TTI2: variants seen among roughly 807,000 people sequenced by gnomAD.
TTI2 encodes TELO2 interacting protein 2.
In TTI2, 26 loss-of-function variants were observed where a neutral mutation model predicts 44.9. The ratio of observed to expected loss-of-function variants is 0.58; its 90% CI spans 0.42 to 0.80. TTI2 has a LOEUF of 0.80. Ranked by LOEUF, TTI2 falls within the 30% of genes least tolerant of loss-of-function variation. The pLI, the probability that TTI2 is intolerant of heterozygous loss-of-function variation, is 0.00. For missense variants in TTI2, 582 were observed against 611.6 expected (o/e 0.95, Z 0.51); for synonymous variants, 254 against 250.9 (o/e 1.01, Z -0.12).
intron 4 of TTI2, among the ~76,000 whole-genome samples, chr8:33,506,280 T>C (rs1809290556): frequency 6.6e-6 from 1 of 152,128 alleles, no homozygotes; most frequent in African/African-American, 2.4e-5. Context: ...CACTCCGATA[T>C]CTAACATGCA....
At chr8:33,505,346 T>C (rs1014575951) in intron 4 of TTI2, among the ~76,000 whole-genome samples, 14 of 152,296 alleles carry the variant, frequency 9.2e-5, no homozygotes, top group Admixed American at 1.3e-4. Context: ...TTGTTTCTTC[T>C]GTCTTTGTAG....
At position 33,511,496 on chromosome 8, in the gene TTI2, C is replaced by T. The variant is rs557841134; in HGVS notation, c.647+471G>A. On this transcript the variant is annotated intron_variant, in intron 2 of 7. Coordinates refer to ENST00000431156, the MANE Select transcript of TTI2 (RefSeq NM_001102401.4). ...CACTATCCAGTTATGTCATTTATAG[C>T]AAATCACAACGTTTCTGGGCCTTAA... 3.2e-4 allele frequency among the ~76,000 whole-genome samples: 49 copies of T among 152,276 alleles called. 1 individual carries two copies. The South Asian group carries it at 7.0e-3, about 22-fold the overall frequency.
In TTI2 at chr8:33,499,030, G is replaced by C; in HGVS notation, c.*143C>G. 1.5e-6 allele frequency: 1 copy of C among 653,844 alleles called. No individual in the cohort carries two copies. The highest frequency in any genetic ancestry group is 1.7e-5 in the South Asian group (1 of 59,122). 40.5% of individuals were successfully genotyped at this position (653,844 alleles called of 1,614,324 possible). Reference sequence around the variant, plus strand: ...TTGTTCTACTTTCCCTATTCTTATGGAGGTAAAAGGAAAGGAAGGAAGGAA... The same window carrying C: ...TTGTTCTACTTTCCCTATTCTTATGCAGGTAAAAGGAAAGGAAGGAAGGAA... On this transcript the variant is annotated 3_prime_UTR_variant, in exon 8 of 8. Transcript: ENST00000431156.
At chr8:33,512,876 GTA>G in intron 1 of TTI2, 164 bp from the exon 2 acceptor site, 4 of 91,672 alleles carry the variant, frequency 4.4e-5, no homozygotes, top group Admixed American at 2.4e-4. Context: ...CTCCGTCTCA[GTA>G]AAAAAAAAAA....
rs550248694 is a variant in TTI2, at chr8:33,512,168, G to A, written c.446C>T (p.Pro149Leu). The A allele has an allele frequency of 5.0e-6, 8 of 1,614,048 alleles. No homozygotes were observed. In the Admixed American group the frequency reaches 1.3e-4, roughly 27 times the overall value. Residue 149 changes from proline (P) to leucine (L), a missense_variant, in exon 2 of 8, where the codon CCC (proline) becomes CTC (leucine). Physicochemically the swap from Pro to Leu is moderately conservative, Grantham distance 98 (BLOSUM62 -3). Coordinates refer to ENST00000431156, the MANE Select transcript of TTI2 (RefSeq NM_001102401.4). ...WQTGLHHLAG[P>L]VYIFAITHSL... ...GTGTGTGATGGCAAAAATATAAACGGGTCCTGCCAAGTGATGCAGGCCCGT... is the reference window on the plus strand; with the variant it reads ...GTGTGTGATGGCAAAAATATAAACGAGTCCTGCCAAGTGATGCAGGCCCGT...
At chr8:33,512,877 TA>T (rs61291473) in intron 1 of TTI2, 165 bp from the exon 2 acceptor site, 11,722 of 92,948 alleles carry the variant, frequency 0.13, 346 homozygotes, top group African/African-American at 0.19. Context: ...TCCGTCTCAG[TA>T]AAAAAAAAAA....
intron 7 of TTI2, chr8:33,500,081 G>A (rs544604265): frequency 2.0e-5 from 8 of 410,068 alleles, no homozygotes; most frequent in South Asian, 1.6e-4. Context: ...ATACTGTCTC[G>A]TCCTTAGCCC....
chr8:33,499,923 C>T (rs1412527763), intron 7 of TTI2: 1 of 157,724 alleles, frequency 6.3e-6, no homozygotes, highest in African/African-American at 2.4e-5. Context: ...AGATGGTTGT[C>T]CCTAAAAAAC....
rs528650973 is a variant in TTI2, at chr8:33,508,657, T to C, written c.834+1089A>G. On this transcript the variant is annotated intron_variant, in intron 3 of 7. Transcript: ENST00000431156. ...AAAAAAAAGGGCAGGGGGGCAGGGT[T>C]GGAGGTGATCTCTGGCTCTCCCCTA... Among the ~76,000 whole-genome samples, 768 of 147,366 alleles carry C rather than the reference T, an allele frequency of 5.2e-3. 5 individuals carry two copies. The highest frequency in any genetic ancestry group is 0.018 in the African/African-American group (732 of 40,066).
At chr8:33,509,611 G>T in intron 3 of TTI2, 135 bp downstream of exon 3, 1 of 829,860 alleles carries the variant, frequency 1.2e-6, no homozygotes, top group Non-Finnish European at 2.0e-6. Flanking sequence ...CTTCTACCAG[G>T]TGGATAGAGG....
Position 33,507,333 on chromosome 8 carries a change from C to T in TTI2, c.835-12G>A. ...AAATCAGCAGCTGGCTGCAACCAGA[C>T]AAATCGTCAAATTAAAAGAATAGTT... On this transcript the variant is annotated splice_polypyrimidine_tract_variant and intron_variant, in intron 3 of 7. Coordinates refer to ENST00000431156, the MANE Select transcript of TTI2 (RefSeq NM_001102401.4). 6.2e-7 allele frequency: 1 copy of T among 1,612,060 alleles called. No homozygotes were observed. The highest frequency in any genetic ancestry group is 2.2e-5 in the East Asian group (1 of 44,870).
intron 3 of TTI2, among the ~76,000 whole-genome samples, chr8:33,508,940 G>A (rs1363929421): frequency 2.0e-5 from 3 of 151,636 alleles, no homozygotes; most frequent in East Asian, 1.9e-4. Context: ...TCAGGAGTTC[G>A]AGACGGACGT....
chr8:33,500,270 A>G (rs908208907), intron 7 of TTI2, 58 bp downstream of exon 7: 40 of 1,600,286 alleles, frequency 2.5e-5, no homozygotes, highest in Non-Finnish European at 3.3e-5. Context: ...ATAATCAATC[A>G]TGGGAATTAC....
chr8:33,510,466 T>A (rs1460673554), intron 2 of TTI2, among the ~76,000 whole-genome samples: 1 of 152,158 alleles, frequency 6.6e-6, no homozygotes, highest in South Asian at 2.1e-4. Flanking sequence ...AACCTCCGCC[T>A]CCCAGGCTCA....
intron 4 of TTI2, among the ~76,000 whole-genome samples, chr8:33,504,289 ATTTTTTTTTTTTT>A (rs1169577360): frequency 8.2e-5 from 6 of 72,980 alleles, no homozygotes; most frequent in African/African-American, 3.4e-4. Context: ...ATATTTACAC[ATTTTTTTTTTTTT>A]TTTTTTTTTT....
At position 33,503,950 on chromosome 8, in the gene TTI2, T is replaced by G; in HGVS notation, c.928-15A>C. Reference sequence around the variant, plus strand: ...AGGAGCACAGCCTAGGAGGAAGGAATGGAAGGACGGTGCATAGTTCATCCA... The same window carrying G: ...AGGAGCACAGCCTAGGAGGAAGGAAGGGAAGGACGGTGCATAGTTCATCCA... On this transcript the variant is annotated splice_polypyrimidine_tract_variant and intron_variant, in intron 4 of 7. Transcript: ENST00000431156. 1.2e-6 allele frequency: 2 copies of G among 1,613,698 alleles called. No individual in the cohort carries two copies. The highest frequency in any genetic ancestry group is 1.7e-6 in the Non-Finnish European group (2 of 1,179,876).
At chr8:33,507,101 C>G (rs537643216) in intron 4 of TTI2, 128 bp downstream of exon 4, 2 of 813,570 alleles carry the variant, frequency 2.5e-6, no homozygotes, top group Non-Finnish European at 4.1e-6. Flanking sequence ...AACTTGGCAA[C>G]GCTTTTAGTT....
chr8:33,505,155 G>A (rs961643951), intron 4 of TTI2, among the ~76,000 whole-genome samples: 3 of 152,048 alleles, frequency 2.0e-5, no homozygotes, highest in Non-Finnish European at 2.9e-5. Flanking sequence ...CCTGGGAGGC[G>A]AAGGTTGCAA....
At chr8:33,509,979 CAAAAAAAAAA>C in intron 2 of TTI2, 47 bp from the exon 3 acceptor site, 1 of 416,694 alleles carries the variant, frequency 2.4e-6, no homozygotes, top group Non-Finnish European at 3.9e-6. Flanking sequence ...TGATAAGTAG[CAAAAAAAAAA>C]AAAAAAAAAA....
Sources: gnomAD v4.1 joint callset for allele counts (sites outside exome capture counted in the v4.1 genomes callset) on GRCh38, gnomAD v4.1.1 for gene constraint, MANE v1.5 for transcripts, NCBI Gene and HGNC (gene_info 2026-07-23, HGNC 2026-07-21) for gene names.